Variants in MYO5B observed in about 807,000 individuals in gnomAD.
MYO5B encodes myosin VB.
In MYO5B, 143 loss-of-function variants were observed where a neutral mutation model predicts 229.3. That is an observed-to-expected ratio of 0.62 (90% CI 0.54 to 0.72). MYO5B has a LOEUF of 0.72. Among genes scored for constraint, MYO5B ranks in the 30% least tolerant of loss-of-function variants. The pLI is 0.00. For synonymous variants in MYO5B, 918 were observed against 885.2 expected (o/e 1.04, Z -0.66); for missense variants, 2,321 against 2,331.0 (o/e 1.00, Z 0.09).
chr18:49,962,890 G>T, intron 11 of MYO5B, 59 bp downstream of exon 11: 1 of 1,404,618 alleles, frequency 7.1e-7, no homozygotes, highest in Non-Finnish European at 1.0e-6. Flanking sequence ...TGGCCTGTCT[G>T]TCCCTCCCAG....
chr18:50,122,830 A>T, intron 1 of MYO5B, among the ~76,000 whole-genome samples: 1 of 152,324 alleles, frequency 6.6e-6, no homozygotes, highest in Admixed American at 6.5e-5. Flanking sequence ...GTCAACAAAG[A>T]TGTAGAGAAA....
chr18:50,126,457 G>C (rs1289272903), intron 1 of MYO5B: 1 of 154,848 alleles, frequency 6.5e-6, no homozygotes, highest in Non-Finnish European at 1.5e-5. Flanking sequence ...ATGGAGCTAA[G>C]AGGGCAAATC....
Position 49,870,760 on chromosome 18 carries a change from A to AAAAT in MYO5B, c.3603+1403_3603+1406dup, listed in dbSNP as rs201992736. On this transcript the variant is annotated intron_variant, in intron 27 of 39. Transcript: ENST00000285039. ...ACCTATCAGAATAGCTACTATCAAAAAAATAAATAAATAAATAAAAGAAAA... is the reference window on the plus strand; with the variant it reads ...ACCTATCAGAATAGCTACTATCAAAAAAATAAATAAATAAATAAATAAAAGAAAA... 5.3e-3 allele frequency among the ~76,000 whole-genome samples: 800 copies of AAAAT among 152,274 alleles called. 9 individuals carry two copies. The highest frequency in any genetic ancestry group is 0.018 in the African/African-American group (739 of 41,530).
Position 50,013,392 on chromosome 18 carries a change from G to A in MYO5B, c.456-11981C>T, listed in dbSNP as rs567454909. ...GGCTTCTGAGGCATCCCTCCCAACT[G>A]CACCTACACCCTGAGATTTTAAGAT... On this transcript the variant is annotated intron_variant, in intron 4 of 39. Coordinates refer to ENST00000285039, the MANE Select transcript of MYO5B (RefSeq NM_001080467.3). Among the ~76,000 whole-genome samples, 9 of 152,168 alleles carry A rather than the reference G, an allele frequency of 5.9e-5. No individual in the cohort carries two copies. The East Asian group carries it at 1.7e-3, about 29-fold the overall frequency.
At chr18:50,069,366 TC>T (rs2030898199) in intron 1 of MYO5B, among the ~76,000 whole-genome samples, 1 of 152,070 alleles carries the variant, frequency 6.6e-6, no homozygotes, top group South Asian at 2.1e-4. Context: ...AGGACAGAGT[TC>T]CACCACTCAC....
At chr18:50,187,326 C>T (rs1020150980) in intron 1 of MYO5B, among the ~76,000 whole-genome samples, 5 of 152,190 alleles carry the variant, frequency 3.3e-5, no homozygotes, top group African/African-American at 1.2e-4. Flanking sequence ...CAGGCATCAG[C>T]TTAACCAAGG....
At chr18:49,893,371 GT>G (rs2024738285) in intron 22 of MYO5B, among the ~76,000 whole-genome samples, 1 of 152,172 alleles carries the variant, frequency 6.6e-6, no homozygotes, top group South Asian at 2.1e-4. Flanking sequence ...TCACCTTCTG[GT>G]TTTTATTCAT....
At chr18:50,134,554 CAATA>C (rs57536679) in intron 1 of MYO5B, among the ~76,000 whole-genome samples, 46,622 of 141,034 alleles carry the variant, frequency 0.33, 8,122 homozygotes, top group East Asian at 0.5. Context: ...GACTCCATCT[CAATA>C]AATAAATAAA....
intron 3 of MYO5B, 89 bp from the exon 4 acceptor site, chr18:50,037,083 C>G: frequency 1.4e-6 from 2 of 1,447,190 alleles, no homozygotes; most frequent in South Asian, 2.3e-5. Flanking sequence ...ATACACATGC[C>G]AAAAACCAAA....
At chr18:49,891,451 G>A (rs2024713873) in intron 22 of MYO5B, among the ~76,000 whole-genome samples, 1 of 152,168 alleles carries the variant, frequency 6.6e-6, no homozygotes, top group South Asian at 2.1e-4. Flanking sequence ...TTAAGAACGA[G>A]AAGGGTTTTT....
chr18:49,896,272 G>T (rs1411836211), intron 21 of MYO5B, among the ~76,000 whole-genome samples: 1 of 152,172 alleles, frequency 6.6e-6, no homozygotes, highest in Non-Finnish European at 1.5e-5. Context: ...AATGAGACAT[G>T]CTACCCGCTC....
In MYO5B at chr18:49,953,243, C is replaced by A. The variant is rs896679397; in HGVS notation, c.1752+17G>T. On this transcript the variant is annotated intron_variant, in intron 14 of 39. Coordinates refer to ENST00000285039, the MANE Select transcript of MYO5B (RefSeq NM_001080467.3). ...GTGGGCATTCCTGCTCCACTCCCCA[C>A]TTCTGACACTCTTTACCTTGCTGGC... The A allele has an allele frequency of 1.9e-6, 3 of 1,612,144 alleles. No individual in the cohort carries two copies. The African/African-American group carries it at 4.0e-5, about 22-fold the overall frequency.
At chr18:50,033,684 T>A (rs935383951) in intron 4 of MYO5B, among the ~76,000 whole-genome samples, 8 of 152,122 alleles carry the variant, frequency 5.3e-5, no homozygotes, top group Non-Finnish European at 1.2e-4. Flanking sequence ...AGCTAAGAAG[T>A]GGAGGTAAGC....
At chr18:50,023,906 A>G (rs1036834391) in intron 4 of MYO5B, among the ~76,000 whole-genome samples, 2 of 152,184 alleles carry the variant, frequency 1.3e-5, no homozygotes, top group Non-Finnish European at 2.9e-5. Context: ...TTTGACCTGA[A>G]GAGCCTTCCA....
chr18:49,901,457 T>C (rs751272066), intron 21 of MYO5B, among the ~76,000 whole-genome samples: 38 of 152,354 alleles, frequency 2.5e-4, no homozygotes, highest in Middle Eastern at 3.4e-3. Flanking sequence ...ACCCCTTTGA[T>C]TGGCTGACAT....
intron 1 of MYO5B, among the ~76,000 whole-genome samples, chr18:50,102,438 T>A (rs2031673888): frequency 6.6e-6 from 1 of 151,670 alleles, no homozygotes; most frequent in African/African-American, 2.4e-5. Context: ...AGGAATACGA[T>A]CCAGGTGGAG....
At chr18:50,012,294 G>T (rs1598952000) in intron 4 of MYO5B, among the ~76,000 whole-genome samples, 1 of 152,258 alleles carries the variant, frequency 6.6e-6, no homozygotes, top group Non-Finnish European at 1.5e-5. Context: ...CAAATACCTT[G>T]TAACTTGTTC....
chr18:50,147,743 A>G (rs116390055), intron 1 of MYO5B, among the ~76,000 whole-genome samples: 3 of 152,216 alleles, frequency 2.0e-5, no homozygotes, highest in African/African-American at 7.2e-5. Flanking sequence ...TAAAGGCCCT[A>G]CTCTATCCCT....
intron 18 of MYO5B, among the ~76,000 whole-genome samples, chr18:49,907,738 C>T (rs1209879409): frequency 1.3e-5 from 2 of 152,268 alleles, no homozygotes; most frequent in Non-Finnish European, 2.9e-5. Flanking sequence ...GAAGGCTGTC[C>T]TGCCTGAGCT....
Sources: gnomAD v4.1 joint callset for allele counts (sites outside exome capture counted in the v4.1 genomes callset) on GRCh38, gnomAD v4.1.1 for gene constraint, MANE v1.5 for transcripts, NCBI Gene and HGNC (gene_info 2026-07-23, HGNC 2026-07-21) for gene names.